The following ROBO2 variants were observed in gnomAD, a reference collection of about 807,000 sequenced individuals.
The protein encoded by ROBO2 is roundabout homolog 2.
In ROBO2, 53 loss-of-function variants were observed where a neutral mutation model predicts 160.8. That is an observed-to-expected ratio of 0.33 (90% confidence interval 0.26 to 0.41). The LOEUF (loss-of-function observed/expected upper bound fraction) is 0.41. Among genes scored for constraint, ROBO2 ranks in the 10% least tolerant of loss-of-function variants. The pLI is 1.00. For missense variants in ROBO2, 1,577 were observed against 1,722.4 expected, an observed-to-expected ratio of 0.92 and a Z score of 1.49; for synonymous variants, 664 against 611.7, an observed-to-expected ratio of 1.09 and a Z score of -1.26.
At chr3:76,799,857 T>C (rs2064066110) in intron 2 of ROBO2, among the ~76,000 whole-genome samples, 1 of 152,156 alleles carries the variant, frequency 6.6e-6, no homozygotes, top group South Asian at 2.1e-4. Flanking sequence ...CTTTACATTC[T>C]TCACAGAAAC....
chr3:76,136,510 A>T (rs2071434048), intron 2 of ROBO2, among the ~76,000 whole-genome samples: 2 of 152,114 alleles, frequency 1.3e-5, no homozygotes, highest in Non-Finnish European at 2.9e-5. Context: ...TGGAAGTGTG[A>T]TAAGGAAAGA....
intron 2 of ROBO2, among the ~76,000 whole-genome samples, chr3:76,555,372 G>GAAGAA (rs1560140793): frequency 2.0e-5 from 1 of 50,840 alleles, no homozygotes; most frequent in African/African-American, 3.7e-5. Flanking sequence ...AGAAGAAGAA[G>GAAGAA]AAGAAGAAGA....
chr3:76,058,224 G>C (rs972714837), intron 2 of ROBO2, among the ~76,000 whole-genome samples: 1 of 151,846 alleles, frequency 6.6e-6, no homozygotes, highest in Non-Finnish European at 1.5e-5. Flanking sequence ...ACCTACATTA[G>C]GTATTGCTCC....
chr3:77,512,074 T>G (rs2089463380), intron 5 of ROBO2, among the ~76,000 whole-genome samples: 1 of 151,928 alleles, frequency 6.6e-6, no homozygotes, highest in African/African-American at 2.4e-5. Context: ...CCTGTGGTTG[T>G]CTAAAGATTA....
At chr3:77,468,886 T>C (rs181422932) in intron 2 of ROBO2, among the ~76,000 whole-genome samples, 49 of 152,142 alleles carry the variant, frequency 3.2e-4, no homozygotes, top group African/African-American at 1.1e-3. Flanking sequence ...GGTGCCAGAG[T>C]GTCAGCTTGC....
chr3:75,919,160 T>A (rs149423911), intron 1 of ROBO2, among the ~76,000 whole-genome samples: 36 of 152,348 alleles, frequency 2.4e-4, no homozygotes, highest in African/African-American at 8.7e-4. Flanking sequence ...TTTAGCATGA[T>A]ATTAGCTATG....
intron 2 of ROBO2, among the ~76,000 whole-genome samples, chr3:76,582,529 A>T (rs552043687): frequency 6.6e-6 from 1 of 152,304 alleles, no homozygotes; most frequent in East Asian, 1.9e-4. Flanking sequence ...TTCTCCCTCA[A>T]ATAAAGTATA....
At chr3:76,123,937 C>T (rs2070858193) in intron 2 of ROBO2, among the ~76,000 whole-genome samples, 1 of 151,958 alleles carries the variant, frequency 6.6e-6, no homozygotes, top group African/African-American at 2.4e-5. Flanking sequence ...CCTAGAAATC[C>T]TTGTTTTATG....
intron 6 of ROBO2, among the ~76,000 whole-genome samples, chr3:77,537,206 G>A (rs771923721): frequency 1.4e-4 from 21 of 151,414 alleles, no homozygotes; most frequent in Admixed American, 4.6e-4. Context: ...TTATTTTGTC[G>A]TCATACTATG....
At chr3:76,443,788 A>C (rs3849493) in intron 2 of ROBO2, among the ~76,000 whole-genome samples, 151,003 of 152,250 alleles carry the variant, frequency 0.99, 74,887 homozygotes, top group Middle Eastern at 1. Flanking sequence ...ATGAATCTTT[A>C]ATTTAAACGA....
At chr3:76,867,873 C>G (rs1286086668) in intron 2 of ROBO2, among the ~76,000 whole-genome samples, 1 of 152,066 alleles carries the variant, frequency 6.6e-6, no homozygotes, top group Non-Finnish European at 1.5e-5. Context: ...AGCAGGGTTA[C>G]CAGTAATACT....
intron 2 of ROBO2, among the ~76,000 whole-genome samples, chr3:76,251,464 T>A (rs546602296): frequency 3.3e-5 from 5 of 152,234 alleles, no homozygotes; most frequent in Non-Finnish European, 5.9e-5. Context: ...GATGGTGTGA[T>A]GTCACAATTT....
At chr3:76,791,967 G>GT (rs1297268413) in intron 2 of ROBO2, among the ~76,000 whole-genome samples, 1 of 151,802 alleles carries the variant, frequency 6.6e-6, no homozygotes, top group Non-Finnish European at 1.5e-5. Flanking sequence ...ATGTGCAAAG[G>GT]TTATATGCAA....
At chr3:76,492,537 A>T (rs2079890770) in intron 2 of ROBO2, among the ~76,000 whole-genome samples, 1 of 145,872 alleles carries the variant, frequency 6.9e-6, no homozygotes, top group African/African-American at 2.6e-5. Context: ...GAACTTTGAC[A>T]TTTAGTTTTC....
intron 2 of ROBO2, among the ~76,000 whole-genome samples, chr3:76,939,338 A>C: frequency 6.6e-6 from 1 of 152,356 alleles, no homozygotes; most frequent in Non-Finnish European, 1.5e-5. Context: ...ATAAATTATC[A>C]AAATTCTGAT....
At chr3:76,999,448 C>T (rs1021360139) in intron 2 of ROBO2, among the ~76,000 whole-genome samples, 5 of 152,144 alleles carry the variant, frequency 3.3e-5, no homozygotes, top group Non-Finnish European at 7.3e-5. Flanking sequence ...CTGTTATTTA[C>T]ACTGTTTTTT....
At chr3:76,564,454 T>C (rs1210516803) in intron 2 of ROBO2, among the ~76,000 whole-genome samples, 1 of 152,232 alleles carries the variant, frequency 6.6e-6, no homozygotes, top group Non-Finnish European at 1.5e-5. Flanking sequence ...TAGTCTGCAA[T>C]GACCCTGTTG....
At chr3:76,073,739 T>C (rs908881742) in intron 2 of ROBO2, among the ~76,000 whole-genome samples, 1 of 152,210 alleles carries the variant, frequency 6.6e-6, no homozygotes, top group African/African-American at 2.4e-5. Context: ...TTTGAATTTA[T>C]GTCAAGAGTC....
At chr3:76,212,024 A>G (rs1575895687) in intron 2 of ROBO2, among the ~76,000 whole-genome samples, 2 of 152,072 alleles carry the variant, frequency 1.3e-5, no homozygotes. Context: ...CTAGAAATAC[A>G]TTTATGCATT....
Sources: gnomAD v4.1 joint callset for allele counts (sites outside exome capture counted in the v4.1 genomes callset) on GRCh38, gnomAD v4.1.1 for gene constraint, MANE v1.5 for transcripts, NCBI Gene and HGNC (gene_info 2026-07-23, HGNC 2026-07-21) for gene names.